ZFPM2: variants seen among roughly 807,000 people sequenced by gnomAD.
ZFPM2 encodes zinc finger protein, FOG family member 2.
A neutral mutation model predicts 98.6 loss-of-function variants in ZFPM2; 20 were observed. That is an observed-to-expected ratio of 0.20 (90% CI 0.14 to 0.29). The LOEUF (loss-of-function observed/expected upper bound fraction) is 0.29. ZFPM2 is among the 10% of genes least tolerant of loss of function. The pLI is 1.00. For missense variants in ZFPM2, 1,310 were observed against 1,388.6 expected (o/e 0.94, Z 0.90); for synonymous variants, 518 against 502.7 (o/e 1.03, Z -0.41).
intron 4 of ZFPM2, among the ~76,000 whole-genome samples, chr8:105,593,407 A>G (rs1441808953): frequency 6.6e-6 from 1 of 152,128 alleles, no homozygotes; most frequent in Non-Finnish European, 1.5e-5. Context: ...AAAAAAAATT[A>G]TTACCTTATC....
rs573165180 is a variant in ZFPM2, at chr8:105,559,513, T to C, written c.302-1850T>C. Among the ~76,000 whole-genome samples, 7 of 152,306 alleles carry C rather than the reference T, an allele frequency of 4.6e-5. No homozygotes were observed. In the East Asian group the frequency reaches 1.4e-3, roughly 29 times the overall value. On this transcript the variant is annotated intron_variant, in intron 3 of 7. Coordinates refer to ENST00000407775, the MANE Select transcript of ZFPM2 (RefSeq NM_012082.4). ...GAAGGGTGAATGAAAGTGTTGTCAC[T>C]GAATTTAAATTTTTGATTGGGAACA... is the stretch of plus-strand genomic sequence containing the variant.
At chr8:105,651,875 A>G (rs1191257635) in intron 5 of ZFPM2, among the ~76,000 whole-genome samples, 1 of 152,204 alleles carries the variant, frequency 6.6e-6, no homozygotes, top group Admixed American at 6.5e-5. Context: ...TCCAGTACCC[A>G]CAATGGATTC....
At chr8:105,661,588 T>C (rs1817389651) in intron 5 of ZFPM2, among the ~76,000 whole-genome samples, 1 of 152,186 alleles carries the variant, frequency 6.6e-6, no homozygotes, top group Non-Finnish European at 1.5e-5. Context: ...CCGAGTTGTC[T>C]GTTGGCAGTA....
At chr8:105,538,196 G>A (rs1814498253) in intron 3 of ZFPM2, among the ~76,000 whole-genome samples, 1 of 152,048 alleles carries the variant, frequency 6.6e-6, no homozygotes, top group Non-Finnish European at 1.5e-5. Context: ...CATACCCAGG[G>A]CAAGTTATTT....
intron 6 of ZFPM2, chr8:105,795,656 T>C (rs1444567333): frequency 6.5e-6 from 2 of 307,842 alleles, no homozygotes; most frequent in Non-Finnish European, 6.3e-6. Context: ...GAACACTTTA[T>C]ATGGAGAATT....
At chr8:105,542,741 C>A (rs1814606267) in intron 3 of ZFPM2, among the ~76,000 whole-genome samples, 1 of 152,148 alleles carries the variant, frequency 6.6e-6, no homozygotes, top group Non-Finnish European at 1.5e-5. Flanking sequence ...AATTCACATG[C>A]AGTTGTAAGA....
At chr8:105,428,232 T>C (rs1199382779) in intron 2 of ZFPM2, among the ~76,000 whole-genome samples, 1 of 152,188 alleles carries the variant, frequency 6.6e-6, no homozygotes, top group African/African-American at 2.4e-5. Context: ...CATTTTCTAA[T>C]AAACACTTAC....
intron 3 of ZFPM2, among the ~76,000 whole-genome samples, chr8:105,522,817 C>T (rs1281147309): frequency 6.6e-6 from 1 of 151,906 alleles, no homozygotes; most frequent in Non-Finnish European, 1.5e-5. Context: ...GAAATTATAA[C>T]TTTCTTAGGC....
At chr8:105,414,036 A>G (rs1265237519) in intron 1 of ZFPM2, among the ~76,000 whole-genome samples, 1 of 151,954 alleles carries the variant, frequency 6.6e-6, no homozygotes, top group Admixed American at 6.6e-5. Flanking sequence ...AAGGCTGCCC[A>G]GTATTCTGAA....
chr8:105,745,450 G>A (rs1394522707), intron 5 of ZFPM2, among the ~76,000 whole-genome samples: 2 of 151,964 alleles, frequency 1.3e-5, no homozygotes, highest in Non-Finnish European at 2.9e-5. Flanking sequence ...AAAAATTAAA[G>A]CAAAACAACT....
chr8:105,666,821 A>C (rs1211601913), intron 5 of ZFPM2, among the ~76,000 whole-genome samples: 2 of 150,426 alleles, frequency 1.3e-5, no homozygotes, highest in Non-Finnish European at 3.0e-5. Context: ...AGCAAAGAAA[A>C]TCACAGTGTT....
At chr8:105,365,329 T>G (rs1450622226) in intron 1 of ZFPM2, among the ~76,000 whole-genome samples, 2 of 152,126 alleles carry the variant, frequency 1.3e-5, no homozygotes, top group Non-Finnish European at 2.9e-5. Flanking sequence ...GGTTTTAGAT[T>G]TGAGGACTTA....
chr8:105,692,251 G>A (rs1810903622), intron 5 of ZFPM2, among the ~76,000 whole-genome samples: 1 of 152,176 alleles, frequency 6.6e-6, no homozygotes, highest in Admixed American at 6.5e-5. Context: ...GTATTTCAAG[G>A]AAAACAAATT....
At chr8:105,676,610 T>C (rs1197851438) in intron 5 of ZFPM2, among the ~76,000 whole-genome samples, 13 of 152,054 alleles carry the variant, frequency 8.5e-5, no homozygotes, top group Admixed American at 7.2e-4. Flanking sequence ...CCATTGATTA[T>C]ATTTTTATAT....
intron 5 of ZFPM2, among the ~76,000 whole-genome samples, chr8:105,788,120 T>C (rs566051227): frequency 6.6e-6 from 1 of 152,284 alleles, no homozygotes; most frequent in East Asian, 1.9e-4. Flanking sequence ...CGGAATATTA[T>C]ATAAGTAAAG....
chr8:105,782,982 A>G (rs1285364354), intron 5 of ZFPM2, among the ~76,000 whole-genome samples: 1 of 152,116 alleles, frequency 6.6e-6, no homozygotes, highest in African/African-American at 2.4e-5. Flanking sequence ...ACACAGGCAG[A>G]AACTCAGATC....
At chr8:105,755,829 G>A (rs1723305508) in intron 5 of ZFPM2, among the ~76,000 whole-genome samples, 1 of 151,966 alleles carries the variant, frequency 6.6e-6, no homozygotes, top group Non-Finnish European at 1.5e-5. Context: ...TTTCTATTGT[G>A]TTTCCCCGAG....
intron 4 of ZFPM2, among the ~76,000 whole-genome samples, chr8:105,572,249 G>A (rs1180648648): frequency 6.6e-6 from 1 of 151,942 alleles, no homozygotes; most frequent in African/African-American, 2.4e-5. Context: ...GTGTTAGCCA[G>A]GATGGTCTCG....
intron 3 of ZFPM2, among the ~76,000 whole-genome samples, chr8:105,506,834 A>C (rs1211626559): frequency 6.6e-6 from 1 of 151,948 alleles, no homozygotes; most frequent in Non-Finnish European, 1.5e-5. Context: ...AAAAAATACA[A>C]AAAATTAGCC....
Sources: gnomAD v4.1 joint callset for allele counts (sites outside exome capture counted in the v4.1 genomes callset) on GRCh38, gnomAD v4.1.1 for gene constraint, MANE v1.5 for transcripts, NCBI Gene and HGNC (gene_info 2026-07-23, HGNC 2026-07-21) for gene names.